The following HHLA1 variants were observed in gnomAD, a reference collection of about 807,000 sequenced individuals.
HHLA1 encodes HERV-H LTR-associating protein 1.
A neutral mutation model predicts 69.9 loss-of-function variants in HHLA1; 72 were observed. The ratio of observed to expected loss-of-function variants is 1.03; its 90% CI spans 0.85 to 1.25. The LOEUF is 1.25. HHLA1 is among the 50% of genes most tolerant of loss of function. The pLI is 0.00. For synonymous variants in HHLA1, 252 were observed against 233.2 expected (o/e 1.08, Z -0.73); for missense variants, 685 against 642.2 (o/e 1.07, Z -0.72).
intron 11 of HHLA1, among the ~76,000 whole-genome samples, chr8:132,078,850 A>C (rs1823690863): frequency 6.6e-6 from 1 of 152,194 alleles, no homozygotes; most frequent in South Asian, 2.1e-4. Context: ...TTCTGATGAC[A>C]ATATTGTCTC....
intron 1 of HHLA1, among the ~76,000 whole-genome samples, chr8:132,110,047 G>A (rs2436106): frequency 0.53 from 80,682 of 151,984 alleles, 21,552 homozygotes; most frequent in South Asian, 0.65. Flanking sequence ...TAAACAGTGT[G>A]TTACCGCCAA....
chr8:132,083,815 G>A (rs1464388354), intron 10 of HHLA1, among the ~76,000 whole-genome samples: 1 of 152,186 alleles, frequency 6.6e-6, no homozygotes, highest in Non-Finnish European at 1.5e-5. Flanking sequence ...TGGAGGCAAG[G>A]AATTGCAACT....
At chr8:132,076,439 A>ACCCCCCCC in intron 13 of HHLA1, 36 bp downstream of exon 13, 2 of 291,752 alleles carry the variant, frequency 6.9e-6, no homozygotes, top group Admixed American at 7.3e-5. Flanking sequence ...CCCATCCCCC[A>ACCCCCCCC]CCCCCAAACC....
intron 14 of HHLA1, among the ~76,000 whole-genome samples, chr8:132,074,214 A>T (rs1823597146): frequency 6.6e-6 from 1 of 152,214 alleles, no homozygotes; most frequent in African/African-American, 2.4e-5. Context: ...CCACATTCTC[A>T]ATCAATAAAC....
intron 5 of HHLA1, among the ~76,000 whole-genome samples, chr8:132,096,181 T>G (rs773384498): frequency 1.8e-4 from 28 of 152,208 alleles, no homozygotes; most frequent in Non-Finnish European, 3.4e-4. Flanking sequence ...TCAAGGGCTC[T>G]AAAGGAGAAT....
chr8:132,107,184 A>G (rs1217424281), intron 1 of HHLA1, among the ~76,000 whole-genome samples: 1 of 152,248 alleles, frequency 6.6e-6, no homozygotes, highest in Non-Finnish European at 1.5e-5. Context: ...TTATAGTAGA[A>G]AAACAATTAT....
intron 15 of HHLA1, chr8:132,070,240 G>A: frequency 1.5e-6 from 1 of 681,172 alleles, no homozygotes; most frequent in Non-Finnish European, 2.7e-6. Context: ...ATAAATCCCA[G>A]AAGAAATAAC....
chr8:132,092,177 T>G (rs962447521), intron 7 of HHLA1, among the ~76,000 whole-genome samples: 2 of 152,216 alleles, frequency 1.3e-5, no homozygotes, highest in African/African-American at 2.4e-5. Flanking sequence ...ATGGTTGTCT[T>G]TCAATATCGA....
At chr8:132,076,174 C>G (rs773758356) in intron 13 of HHLA1, 45 bp from the exon 14 acceptor site, 1 of 1,338,524 alleles carries the variant, frequency 7.5e-7, no homozygotes, top group Non-Finnish European at 1.0e-6. Context: ...AATGGAATTA[C>G]CTTAGGTGAT....
At chr8:132,076,336 T>G in intron 13 of HHLA1, 139 bp downstream of exon 13, 1 of 720,226 alleles carries the variant, frequency 1.4e-6, no homozygotes, top group Admixed American at 2.7e-5. Context: ...CCTGACTCTT[T>G]TCCTGCAGGA....
intron 10 of HHLA1, among the ~76,000 whole-genome samples, chr8:132,083,541 G>C (rs1823799437): frequency 6.6e-6 from 1 of 152,218 alleles, no homozygotes; most frequent in Non-Finnish European, 1.5e-5. Flanking sequence ...GAGTCAGTCA[G>C]AGAGCCTTGG....
chr8:132,110,079 C>T (rs1245669919), intron 1 of HHLA1, among the ~76,000 whole-genome samples: 1 of 152,130 alleles, frequency 6.6e-6, no homozygotes, highest in Non-Finnish European at 1.5e-5. Context: ...CCCAAATCAA[C>T]CAAGGTTAGT....
At chr8:132,077,133 G>A (rs77208332) in intron 12 of HHLA1, among the ~76,000 whole-genome samples, 22 of 152,212 alleles carry the variant, frequency 1.4e-4, no homozygotes, top group South Asian at 1.0e-3. Context: ...GGCAAGTTCC[G>A]TCATATGGAT....
chr8:132,066,858 G>A (rs1823449128), intron 15 of HHLA1, among the ~76,000 whole-genome samples: 1 of 152,190 alleles, frequency 6.6e-6, no homozygotes, highest in Non-Finnish European at 1.5e-5. Flanking sequence ...GGTAGTATTG[G>A]ATTTTAACCC....
intron 15 of HHLA1, 24 bp from the exon 16 acceptor site, chr8:132,065,992 G>A: frequency 9.1e-7 from 1 of 1,093,200 alleles, no homozygotes; most frequent in Non-Finnish European, 1.3e-6. Flanking sequence ...TCAGAGCAGG[G>A]AGCAATAACT....
At chr8:132,076,677 G>A (rs928469892) in intron 12 of HHLA1, 134 bp from the exon 13 acceptor site, 1 of 503,870 alleles carries the variant, frequency 2.0e-6, no homozygotes, top group East Asian at 3.5e-5. Flanking sequence ...GCTTTAAGAA[G>A]CAGAGATGAG....
intron 13 of HHLA1, 66 bp downstream of exon 13, chr8:132,076,409 T>TC: frequency 9.9e-7 from 1 of 1,011,896 alleles, no homozygotes. Flanking sequence ...CACGCCCTTG[T>TC]CCCCAAGCTT....
intron 10 of HHLA1, among the ~76,000 whole-genome samples, chr8:132,082,479 A>C (rs1427677254): frequency 6.6e-6 from 1 of 152,086 alleles, no homozygotes; most frequent in Non-Finnish European, 1.5e-5. Flanking sequence ...GGGGTTTGAG[A>C]GATCAGTCGG....
chr8:132,098,786 A>G (rs1375807015), intron 5 of HHLA1, 96 bp downstream of exon 5: 3 of 723,646 alleles, frequency 4.1e-6, no homozygotes, highest in Non-Finnish European at 7.0e-6. Context: ...GACACACAGA[A>G]GTGAAGTGTC....
Sources: allele counts gnomAD v4.1 joint callset (sites outside exome capture counted in the v4.1 genomes callset), GRCh38; gene constraint gnomAD v4.1.1; transcripts MANE v1.5; gene names NCBI Gene and HGNC (gene_info 2026-07-23, HGNC 2026-07-21).